Variants in VPS29 observed in about 807,000 individuals in gnomAD.
VPS29 encodes vacuolar protein sorting-associated protein 29.
A neutral mutation model predicts 20.0 loss-of-function variants in VPS29; 2 were observed. That is an observed-to-expected ratio of 0.10 (90% CI 0.04 to 0.31). The LOEUF (loss-of-function observed/expected upper bound fraction) is 0.31. Ranked by LOEUF, VPS29 falls within the 10% of genes least tolerant of loss-of-function variation. VPS29 has a pLI of 1.00. For synonymous variants in VPS29, 81 were observed against 79.3 expected, an observed-to-expected ratio of 1.02 and a Z score of -0.12; for missense variants, 120 against 215.3, an observed-to-expected ratio of 0.56 and a Z score of 2.77.
At chr12:110,495,924 G>A in intron 2 of VPS29, 88 bp downstream of exon 2, 1 of 1,262,500 alleles carries the variant, frequency 7.9e-7, no homozygotes, top group Non-Finnish European at 1.1e-6. Context: ...AACCTTACCA[G>A]TTGAGAAACC....
chr12:110,491,948 A>T lies in VPS29; in HGVS notation c.*57T>A. The stretch of plus-strand genomic sequence containing the variant: ...TTTTGTGGCTCTTAAATGTTTAATT[A>T]CTTGATTTCAACAGGACAATGAAAA... On this transcript the variant is annotated 3_prime_UTR_variant, in exon 4 of 4. Transcript: ENST00000549578. 1 of 1,246,006 alleles carries T rather than the reference A, an allele frequency of 8.0e-7. No homozygotes were observed. Among genetic ancestry groups the T allele is most frequent in the Non-Finnish European group, 1.2e-6 (1 of 859,334 alleles). The allele number at this position is 1,246,006 out of a possible 1,614,324, so 77.2% of individuals were successfully genotyped here. A position where few individuals can be genotyped will look rare whatever the true frequency, so the allele number is the denominator to read the frequency against.
intron 3 of VPS29, 72 bp from the exon 4 acceptor site, chr12:110,492,194 T>A: frequency 1.7e-6 from 2 of 1,174,370 alleles, no homozygotes; most frequent in Non-Finnish European, 2.5e-6. Context: ...CAATTTAAGA[T>A]GACTATTTGG....
In VPS29 at chr12:110,496,072, A is replaced by G. The variant is rs1435204995; in HGVS notation, c.135T>C (p.Ser45=). Residue 45 remains serine (S), a synonymous_variant, in exon 2 of 4, where the codon AGT becomes AGC. Transcript: ENST00000549578. The stretch of plus-strand genomic sequence containing the variant: ...CAGCCAGAGTCTTGAGATAGTCATA[A>G]CTCTCTTTGGTGCAAAGGTTTCCTG... ...LCTGNLCTKE[S]YDYLKTLAGD... 6.2e-7 allele frequency: 1 copy of G among 1,613,084 alleles called. No individual in the cohort carries two copies. Among genetic ancestry groups the G allele is most frequent in the Non-Finnish European group, 8.5e-7 (1 of 1,179,222 alleles).
At chr12:110,501,427 C>T (rs1022507517) in intron 1 of VPS29, 11 of 1,535,290 alleles carry the variant, frequency 7.2e-6, no homozygotes, top group Non-Finnish European at 9.6e-6. Context: ...CCTAAAGAGG[C>T]GTAGCAACCC....
chr12:110,501,720 G>A (rs1036557594), intron 1 of VPS29: 27 of 1,254,012 alleles, frequency 2.2e-5, no homozygotes, highest in Non-Finnish European at 2.7e-5. Flanking sequence ...CCTATCCCCG[G>A]AACATTCGAG....
intron 1 of VPS29, chr12:110,496,463 T>G (rs1277994021): frequency 3.3e-6 from 1 of 303,498 alleles, no homozygotes; most frequent in East Asian, 5.5e-5. Flanking sequence ...GGTAATGTAC[T>G]TTGTTCTAAA....
intron 1 of VPS29, among the ~76,000 whole-genome samples, chr12:110,501,095 A>G (rs368020785): frequency 2.0e-5 from 3 of 152,100 alleles, no homozygotes; most frequent in African/African-American, 7.2e-5. Flanking sequence ...GCAGGAGCTG[A>G]GGCTTGAACC....
At chr12:110,494,251 A>AT (rs913907254) in intron 2 of VPS29, among the ~76,000 whole-genome samples, 3,141 of 139,968 alleles carry the variant, frequency 0.022, 69 homozygotes, top group Non-Finnish European at 0.031. Flanking sequence ...ATATGTATAA[A>AT]TTTTTTTTTT....
At chr12:110,494,315 C>T (rs986279324) in intron 2 of VPS29, among the ~76,000 whole-genome samples, 3 of 148,262 alleles carry the variant, frequency 2.0e-5, no homozygotes, top group Non-Finnish European at 3.0e-5. Context: ...TGCAGTGGCG[C>T]GATCTCGGCT....
intron 1 of VPS29, chr12:110,499,584 A>G: frequency 6.7e-7 from 1 of 1,503,254 alleles, no homozygotes; most frequent in Non-Finnish European, 9.2e-7. Flanking sequence ...GACAGGGGGG[A>G]TGAAAAAAAA....
chr12:110,499,657 A>G (rs1381845009), intron 1 of VPS29: 2 of 792,458 alleles, frequency 2.5e-6, no homozygotes, highest in East Asian at 2.7e-5. Flanking sequence ...AAAAAAGAGA[A>G]CAAAAAACCC....
chr12:110,492,678 G>C (rs1306110915), intron 3 of VPS29, among the ~76,000 whole-genome samples: 1 of 149,494 alleles, frequency 6.7e-6, no homozygotes. Context: ...CTGGAGTACA[G>C]AGCCTCAAAC....
rs751715064 is a variant in VPS29, at chr12:110,493,016, C to T, written c.411G>A (p.Gly137=). 1.2e-6 allele frequency: 2 copies of T among 1,612,608 alleles called. No individual in the cohort carries two copies. The change falls in exon 3 of 4, where the codon GGG becomes GGA. Residue 137 remains glycine (G), a synonymous_variant. Coordinates refer to ENST00000549578, the MANE Select transcript of VPS29 (RefSeq NM_016226.5). ...CTCACGTTTCCAAGGCATTATATGC[C>T]CCAGTGGCAGAACCTGGATTAATGT... The part of the protein sequence containing the change: ...KFYINPGSAT[G]AYNALETNII...
Position 110,496,054 on chromosome 12 carries a change from A to G in VPS29, c.153T>C (p.Thr51=), listed in dbSNP as rs768147906. 1.2e-5 allele frequency: 20 copies of G among 1,606,360 alleles called. No individual in the cohort carries two copies. The highest frequency in any genetic ancestry group is 1.6e-5 in the Non-Finnish European group (19 of 1,173,700). The part of the protein sequence containing the change: ...CTKESYDYLK[T]LAGDVHIVRG... ...TCACAATATGAACATCACCAGCCAG[A>G]GTCTTGAGATAGTCATAACTCTCTT... is the stretch of plus-strand genomic sequence containing the variant. The change falls in exon 2 of 4, where the codon ACT becomes ACC. Residue 51 remains threonine, a synonymous_variant. Coordinates refer to ENST00000549578, the MANE Select transcript of VPS29 (RefSeq NM_016226.5).
At chr12:110,493,516 C>T (rs952673095) in intron 2 of VPS29, among the ~76,000 whole-genome samples, 10 of 151,978 alleles carry the variant, frequency 6.6e-5, no homozygotes, top group East Asian at 5.8e-4. Context: ...CCCGCCACCA[C>T]GCCCGCCTAA....
intron 3 of VPS29, among the ~76,000 whole-genome samples, chr12:110,492,401 C>T (rs1363341467): frequency 6.6e-6 from 1 of 152,034 alleles, no homozygotes; most frequent in Non-Finnish European, 1.5e-5. Context: ...GAAACCCCAT[C>T]TCTACTAAAA....
chr12:110,498,164 G>A lies in VPS29; in HGVS notation c.4-1961C>T, dbSNP rs1462298143. Among the ~76,000 whole-genome samples, 4 of 151,946 alleles carry A rather than the reference G, an allele frequency of 2.6e-5. No individual in the cohort carries two copies. The East Asian group carries it at 7.8e-4, about 30-fold the overall frequency. On this transcript the variant is annotated intron_variant, in intron 1 of 3. Coordinates refer to ENST00000549578, the MANE Select transcript of VPS29 (RefSeq NM_016226.5). ...TTTTTGTATTTTTAGTAGAGACAGG[G>A]TTTCACCGTGTTGGCCAGGCTGGTC...
At chr12:110,498,393 C>A (rs1046687451) in intron 1 of VPS29, among the ~76,000 whole-genome samples, 1 of 152,136 alleles carries the variant, frequency 6.6e-6, no homozygotes, top group Non-Finnish European at 1.5e-5. Flanking sequence ...AAAGGCATGA[C>A]TATTCTTTAA....
At chr12:110,500,354 C>G (rs1352404767) in intron 1 of VPS29, among the ~76,000 whole-genome samples, 1 of 152,114 alleles carries the variant, frequency 6.6e-6, no homozygotes, top group Admixed American at 6.6e-5. Flanking sequence ...TACAACTACC[C>G]TAAATAAGAG....
Sources: gnomAD v4.1 joint callset for allele counts (sites outside exome capture counted in the v4.1 genomes callset) on GRCh38, gnomAD v4.1.1 for gene constraint, MANE v1.5 for transcripts, NCBI Gene and HGNC (gene_info 2026-07-23, HGNC 2026-07-21) for gene names.